The following AVL9 variants were observed in gnomAD, a reference collection of about 807,000 sequenced individuals.
The protein encoded by AVL9 is late secretory pathway protein AVL9 homolog.
A neutral mutation model predicts 79.2 loss-of-function variants in AVL9; 49 were observed. The observed-to-expected ratio is 0.62, with a 90% CI of 0.49 to 0.79. The LOEUF (loss-of-function observed/expected upper bound fraction) is 0.79, where lower values mean the gene tolerates loss of function less well. Ranked by LOEUF, AVL9 falls within the 30% of genes least tolerant of loss-of-function variation. The pLI is 0.00. For synonymous variants in AVL9, 299 were observed against 280.6 expected, an observed-to-expected ratio of 1.07 and a Z score of -0.65; for missense variants, 682 against 776.8, an observed-to-expected ratio of 0.88 and a Z score of 1.45.
chr7:32,520,936 A>G (rs147233380), intron 1 of AVL9, among the ~76,000 whole-genome samples: 1,725 of 152,186 alleles, frequency 0.011, 35 homozygotes, highest in African/African-American at 0.038. Flanking sequence ...TTCCCATGCT[A>G]TTCTCGTGAT....
At chr7:32,509,314 C>T (rs1447321128) in intron 1 of AVL9, among the ~76,000 whole-genome samples, 2 of 151,942 alleles carry the variant, frequency 1.3e-5, no homozygotes, top group Non-Finnish European at 2.9e-5. Context: ...CCCAAAAAAA[C>T]ACAATAAAAA....
intron 11 of AVL9, 68 bp from the exon 12 acceptor site, chr7:32,573,131 T>C: frequency 8.1e-7 from 1 of 1,239,858 alleles, no homozygotes; most frequent in Non-Finnish European, 1.2e-6. Flanking sequence ...CCGTAGTTAC[T>C]CTGTAAAGTG....
rs546747317 is a variant in AVL9, at chr7:32,528,305, C to T, written c.94-14836C>T. The stretch of plus-strand genomic sequence containing the variant: ...TAAAATGTATAAAAGCAAGCTGGAG[C>T]CCAACCACCTTGGGCATGTGTCCTC... On this transcript the variant is annotated intron_variant, in intron 1 of 15. Transcript: ENST00000318709. Among the ~76,000 whole-genome samples, 12 of 152,294 alleles carry T rather than the reference C, an allele frequency of 7.9e-5. No homozygotes were observed. The South Asian group carries it at 2.3e-3, about 29-fold the overall frequency.
chr7:32,553,616 T>G (rs1350524312), intron 6 of AVL9, 111 bp from the exon 7 acceptor site: 2 of 695,298 alleles, frequency 2.9e-6, no homozygotes, highest in Non-Finnish European at 4.7e-6. Context: ...TATTTGCATA[T>G]TCCTACTTTT....
At chr7:32,576,403 A>G (rs531991422) in intron 13 of AVL9, among the ~76,000 whole-genome samples, 37 of 152,336 alleles carry the variant, frequency 2.4e-4, no homozygotes, top group African/African-American at 8.4e-4. Flanking sequence ...GAATGGTTCA[A>G]CAAGATAGAA....
rs749266620 is a variant in AVL9 at position 32,554,601 on chromosome 7, G to A, written c.609+5G>A. On this transcript the variant is annotated splice_donor_5th_base_variant and intron_variant, in intron 8 of 15. Coordinates refer to ENST00000318709, the MANE Select transcript of AVL9 (RefSeq NM_015060.3). ...CTAATTCTTCTTGAAAAAAAGGTAC[G>A]ATCCTAAGGGATGAAAGGAAAGATG... The A allele has an allele frequency of 1.2e-5, 18 of 1,471,994 alleles. No homozygotes were observed. Among genetic ancestry groups the A allele is most frequent in the South Asian group, 6.7e-5 (5 of 75,182 alleles). The allele number at this position is 1,471,994 out of a possible 1,614,324, so 91.2% of individuals were successfully genotyped here. A position where few individuals can be genotyped will look rare whatever the true frequency, so the allele number is the denominator to read the frequency against.
intron 1 of AVL9, among the ~76,000 whole-genome samples, chr7:32,522,580 A>G (rs377438918): frequency 1.8e-4 from 28 of 152,126 alleles, no homozygotes; most frequent in African/African-American, 6.8e-4. Flanking sequence ...ACAGGCCCAT[A>G]GGCGGAAGAG....
intron 1 of AVL9, chr7:32,534,831 C>A (rs1423454297): frequency 6.6e-6 from 1 of 152,002 alleles, no homozygotes; most frequent in Non-Finnish European, 1.5e-5. Flanking sequence ...ACCAGTAATC[C>A]CAGCTACTCG....
At position 32,554,605 on chromosome 7, in the gene AVL9, C is replaced by A; in HGVS notation, c.609+9C>A. 1.4e-6 allele frequency: 2 copies of A among 1,474,408 alleles called. No homozygotes were observed. Among genetic ancestry groups the A allele is most frequent in the Non-Finnish European group, 1.8e-6 (2 of 1,094,954 alleles). 91.3% of individuals were successfully genotyped at this position (1,474,408 alleles called of 1,614,324 possible). On this transcript the variant is annotated intron_variant, in intron 8 of 15. Transcript: ENST00000318709. ...TTCTTCTTGAAAAAAAGGTACGATC[C>A]TAAGGGATGAAAGGAAAGATGGAGT...
intron 1 of AVL9, among the ~76,000 whole-genome samples, chr7:32,520,391 T>C (rs116915253): frequency 0.013 from 1,907 of 152,352 alleles, 17 homozygotes; most frequent in South Asian, 0.024. Context: ...TTGTTTGTAT[T>C]GATGCACGAC....
chr7:32,569,405 A>G (rs1277118379), intron 10 of AVL9, among the ~76,000 whole-genome samples: 1 of 152,228 alleles, frequency 6.6e-6, no homozygotes, highest in Non-Finnish European at 1.5e-5. Flanking sequence ...CAGTTTAGCA[A>G]TTCCACTGTA....
At chr7:32,576,109 GGT>G in intron 13 of AVL9, 37 bp downstream of exon 13, 1 of 1,456,598 alleles carries the variant, frequency 6.9e-7, no homozygotes, top group Non-Finnish European at 9.6e-7. Context: ...GTACATAAAT[GGT>G]TGGTTTACGA....
intron 1 of AVL9, among the ~76,000 whole-genome samples, chr7:32,515,960 C>T (rs1297969825): frequency 6.6e-6 from 1 of 152,180 alleles, no homozygotes; most frequent in Non-Finnish European, 1.5e-5. Context: ...TTTCTCTACC[C>T]TATTCCTCCT....
chr7:32,567,701 TTTA>T (rs1790645322), intron 10 of AVL9, among the ~76,000 whole-genome samples: 1 of 151,532 alleles, frequency 6.6e-6, no homozygotes, highest in Non-Finnish European at 1.5e-5. Context: ...TTTATTTTAT[TTTA>T]TTTTTATTTA....
At chr7:32,523,295 T>C (rs1788249192) in intron 1 of AVL9, among the ~76,000 whole-genome samples, 2 of 151,688 alleles carry the variant, frequency 1.3e-5, no homozygotes, top group Non-Finnish European at 2.9e-5. Context: ...AGGCAGAGTT[T>C]ATCATGAGAA....
intron 12 of AVL9, among the ~76,000 whole-genome samples, chr7:32,573,624 G>T (rs1274823514): frequency 6.6e-6 from 1 of 152,034 alleles, no homozygotes; most frequent in Non-Finnish European, 1.5e-5. Flanking sequence ...TTTGGATTTT[G>T]GTTTTATGGT....
intron 6 of AVL9, among the ~76,000 whole-genome samples, chr7:32,552,598 A>G (rs534920962): frequency 6.6e-6 from 1 of 151,838 alleles, no homozygotes; most frequent in Middle Eastern, 3.4e-3. Context: ...GCTGGAGTGC[A>G]GTGGTGTGAT....
At chr7:32,577,022 C>T (rs1791134454) in intron 13 of AVL9, among the ~76,000 whole-genome samples, 1 of 152,100 alleles carries the variant, frequency 6.6e-6, no homozygotes, top group African/African-American at 2.4e-5. Context: ...ATAGTGTATA[C>T]AGGAACTTGT....
chr7:32,588,622 A>G lies in AVL9; in HGVS notation c.*4715A>G, dbSNP rs1227733921. The G allele has an allele frequency of 6.6e-6, 1 of 152,182 alleles. No homozygotes were observed. Among genetic ancestry groups the G allele is most frequent in the Non-Finnish European group, 1.5e-5 (1 of 68,046 alleles). The allele number at this position is 152,182 out of a possible 1,614,324, so 9.4% of individuals were successfully genotyped here. On this transcript the variant is annotated 3_prime_UTR_variant, in exon 16 of 16. Coordinates refer to ENST00000318709, the MANE Select transcript of AVL9 (RefSeq NM_015060.3). ...GTTTTTTTAAATTGTTAAAATTATA[A>G]ATCACGTCTAATCATACTGAATTGT...
Sources: allele counts gnomAD v4.1 joint callset (sites outside exome capture counted in the v4.1 genomes callset), GRCh38; gene constraint gnomAD v4.1.1; transcripts MANE v1.5; gene names NCBI Gene and HGNC (gene_info 2026-07-23, HGNC 2026-07-21).